Variants in SRPK2 observed in about 807,000 individuals in gnomAD.
SRPK2 encodes SFRS protein kinase 2.
In SRPK2, 21 loss-of-function variants were observed where a neutral mutation model predicts 90.8. That is an observed-to-expected ratio of 0.23 (90% CI 0.16 to 0.33). The LOEUF is 0.33. SRPK2 is among the 10% of genes least tolerant of loss of function. The pLI, the probability that SRPK2 is intolerant of heterozygous loss-of-function variation, is 1.00. For synonymous variants in SRPK2, 288 were observed against 311.1 expected (o/e 0.93, Z 0.78); for missense variants, 620 against 869.0 (o/e 0.71, Z 3.60).
rs553650828 is a variant in SRPK2 at position 105,126,965 on chromosome 7, G to A, written c.1822+28C>T. On this transcript the variant is annotated intron_variant, in intron 14 of 15. Transcript: ENST00000393651. Reference sequence around the variant, plus strand: ...TCAGGGCTGGCAGAAGACCTAGACCGAGGTATTCAGCAGGCACCAATACTC... The same window carrying A: ...TCAGGGCTGGCAGAAGACCTAGACCAAGGTATTCAGCAGGCACCAATACTC... 4.2e-5 allele frequency: 68 copies of A among 1,607,478 alleles called. No homozygotes were observed. The South Asian group carries it at 4.8e-4, about 11-fold the overall frequency.
chr7:105,390,519 C>A (rs1413222381), upstream of SRPK2, among the ~76,000 whole-genome samples: 1 of 152,076 alleles, frequency 6.6e-6, no homozygotes, highest in Non-Finnish European at 1.5e-5. Context: ...ACCTCAGCCT[C>A]CCGGGTCCAA....
Position 105,116,728 on chromosome 7 carries a change from C to T in SRPK2, c.*1110G>A, listed in dbSNP as rs1406632899. 1.3e-5 allele frequency: 2 copies of T among 152,550 alleles called. No individual in the cohort carries two copies. Among genetic ancestry groups the T allele is most frequent in the Admixed American group, 6.5e-5 (1 of 15,270 alleles). The allele number at this position is 152,550 out of a possible 1,614,324, so 9.4% of individuals were successfully genotyped here. On this transcript the variant is annotated 3_prime_UTR_variant, in exon 16 of 16. Transcript: ENST00000393651. ...AAAGGGAAAATCATTTTCTCAACTT[C>T]GTTTCATGGAAAGACAATGAAAAAG...
rs559571507 is a variant in SRPK2, at chr7:105,287,436, T to A, written c.72-83651A>T. On this transcript the variant is annotated intron_variant, in intron 2 of 15. Coordinates refer to ENST00000393651, the MANE Select transcript of SRPK2 (RefSeq NM_182692.3). Reference sequence around the variant, plus strand: ...ATGTGTATATACATGTAAAATATATTCTTAAATAACTAGGAAATGGCTGGG... The same window carrying A: ...ATGTGTATATACATGTAAAATATATACTTAAATAACTAGGAAATGGCTGGG... 2.6e-5 allele frequency among the ~76,000 whole-genome samples: 4 copies of A among 151,690 alleles called. No individual in the cohort carries two copies. In the South Asian group the frequency reaches 8.3e-4, roughly 32 times the overall value.
chr7:105,190,350 C>T (rs1369396264), intron 3 of SRPK2, among the ~76,000 whole-genome samples: 1 of 152,360 alleles, frequency 6.6e-6, no homozygotes, highest in Non-Finnish European at 1.5e-5. Context: ...TCAGTCCACT[C>T]TAGGTCAAAA....
chr7:105,339,773 G>A (rs558296458), intron 2 of SRPK2, among the ~76,000 whole-genome samples: 2 of 152,272 alleles, frequency 1.3e-5, no homozygotes, highest in African/African-American at 4.8e-5. Flanking sequence ...TCAAGGACAC[G>A]ATCCTGGCCA....
chr7:105,192,510 A>G (rs187248840), intron 3 of SRPK2, among the ~76,000 whole-genome samples: 489 of 152,358 alleles, frequency 3.2e-3, no homozygotes, highest in Admixed American at 5.9e-3. Flanking sequence ...ATAAACATGC[A>G]TGAGCAAGTA....
At chr7:105,129,887 G>A (rs140128687) in intron 13 of SRPK2, among the ~76,000 whole-genome samples, 44 of 152,208 alleles carry the variant, frequency 2.9e-4, no homozygotes, top group African/African-American at 9.6e-4. Context: ...GACCAGTGCC[G>A]AAGAAGTCTG....
chr7:105,275,358 A>C (rs1806350739), intron 2 of SRPK2, among the ~76,000 whole-genome samples: 1 of 152,118 alleles, frequency 6.6e-6, no homozygotes, highest in Non-Finnish European at 1.5e-5. Flanking sequence ...TGAAACAACT[A>C]ATCATCTGGG....
At chr7:105,148,621 T>C (rs1368505927) in intron 7 of SRPK2, among the ~76,000 whole-genome samples, 2 of 152,256 alleles carry the variant, frequency 1.3e-5, no homozygotes, top group East Asian at 1.9e-4. Context: ...GGAAGTGTTA[T>C]ATGTTTCACA....
At chr7:105,308,010 A>G (rs60294737) in intron 2 of SRPK2, among the ~76,000 whole-genome samples, 5,086 of 152,264 alleles carry the variant, frequency 0.033, 301 homozygotes, top group African/African-American at 0.12. Flanking sequence ...GTATTTTTGC[A>G]AAGTGCTTGG....
At chr7:105,150,195 T>C (rs1805429438) in intron 7 of SRPK2, among the ~76,000 whole-genome samples, 1 of 152,260 alleles carries the variant, frequency 6.6e-6, no homozygotes, top group South Asian at 2.1e-4. Context: ...CTGTTTTGGA[T>C]AATACTGCAA....
At chr7:105,264,043 G>C (rs1463869110) in intron 2 of SRPK2, among the ~76,000 whole-genome samples, 1 of 152,132 alleles carries the variant, frequency 6.6e-6, no homozygotes, top group Non-Finnish European at 1.5e-5. Context: ...AACGGGGGGA[G>C]AAAGGGAAAA....
At chr7:105,258,854 G>A (rs927024417) in intron 2 of SRPK2, among the ~76,000 whole-genome samples, 3 of 152,096 alleles carry the variant, frequency 2.0e-5, no homozygotes, top group Non-Finnish European at 2.9e-5. Context: ...TGCTAAAAAC[G>A]CTCAGTAAAC....
chr7:105,196,373 C>T (rs1292691996), intron 3 of SRPK2, among the ~76,000 whole-genome samples: 1 of 152,228 alleles, frequency 6.6e-6, no homozygotes, highest in Non-Finnish European at 1.5e-5. Context: ...GACCACACGT[C>T]TATAAAATAC....
intron 7 of SRPK2, among the ~76,000 whole-genome samples, chr7:105,153,518 C>T (rs1806044335): frequency 6.6e-6 from 1 of 152,246 alleles, no homozygotes; most frequent in African/African-American, 2.4e-5. Flanking sequence ...AGTCGGGGAA[C>T]AGTCAAGCAT....
chr7:105,151,834 G>A (rs1805715463), intron 7 of SRPK2, among the ~76,000 whole-genome samples: 1 of 152,058 alleles, frequency 6.6e-6, no homozygotes, highest in South Asian at 2.1e-4. Context: ...GACCAGCCTG[G>A]CCAACACGGT....
chr7:105,316,673 G>C (rs1585677033), intron 2 of SRPK2, among the ~76,000 whole-genome samples: 1 of 152,296 alleles, frequency 6.6e-6, no homozygotes, highest in East Asian at 1.9e-4. Context: ...TTAAAGATAA[G>C]AAACTAATGC....
intron 2 of SRPK2, chr7:105,245,017 AAAAAC>A (rs1295307519): frequency 1.3e-6 from 1 of 757,864 alleles, no homozygotes; most frequent in Non-Finnish European, 2.3e-6. Flanking sequence ...GCTTGAGAGG[AAAAAC>A]AAAACAAAAC....
intron 2 of SRPK2, among the ~76,000 whole-genome samples, chr7:105,277,727 CA>C (rs1806705970): frequency 6.6e-6 from 1 of 152,150 alleles, no homozygotes; most frequent in Non-Finnish European, 1.5e-5. Flanking sequence ...ACTGAACATT[CA>C]AAAAACTATC....
Sources: gnomAD v4.1 joint callset for allele counts (sites outside exome capture counted in the v4.1 genomes callset) on GRCh38, gnomAD v4.1.1 for gene constraint, MANE v1.5 for transcripts, NCBI Gene and HGNC (gene_info 2026-07-23, HGNC 2026-07-21) for gene names.